Variants in GALNT11 observed in about 807,000 individuals in gnomAD.
GALNT11 encodes the protein UDP-GalNAc:polypeptide N-acetylgalactosaminyltransferase 11.
GALNT11 carries 47 observed loss-of-function variants against 72.7 expected under a neutral mutation model. The ratio of observed to expected loss-of-function variants is 0.65; its 90% confidence interval spans 0.51 to 0.82. The LOEUF (loss-of-function observed/expected upper bound fraction) is 0.82. Among genes scored for constraint, GALNT11 ranks in the 40% least tolerant of loss-of-function variants. GALNT11 has a pLI of 0.00. For missense variants in GALNT11, 677 were observed against 778.4 expected (o/e 0.87, Z 1.55); for synonymous variants, 270 against 286.6 (o/e 0.94, Z 0.58).
At chr7:152,105,421 G>A (rs769909878) in intron 5 of GALNT11, 51 bp downstream of exon 5, 3 of 1,584,854 alleles carry the variant, frequency 1.9e-6, no homozygotes, top group East Asian at 2.2e-5. Flanking sequence ...ACAAGGGCTC[G>A]AGCCTCAGCG....
chr7:152,051,690 T>A (rs2083413900), intron 1 of GALNT11, among the ~76,000 whole-genome samples: 1 of 152,190 alleles, frequency 6.6e-6, no homozygotes, highest in South Asian at 2.1e-4. Context: ...AATCATGTTT[T>A]CCTTTTCCCC....
chr7:152,061,555 T>C (rs2084018639), intron 1 of GALNT11, among the ~76,000 whole-genome samples: 2 of 152,272 alleles, frequency 1.3e-5, no homozygotes, highest in Non-Finnish European at 2.9e-5. Flanking sequence ...TGGCCATGCC[T>C]ATGTCCTGAA....
chr7:152,120,692 A>T (rs2089343107), intron 10 of GALNT11, 139 bp from the exon 11 acceptor site: 2 of 723,666 alleles, frequency 2.8e-6, no homozygotes, highest in Non-Finnish European at 4.6e-6. Flanking sequence ...ACCAAGTTGA[A>T]ATCTGCTTCC....
intron 1 of GALNT11, among the ~76,000 whole-genome samples, chr7:152,035,569 CG>C (rs1219010813): frequency 6.6e-6 from 1 of 152,112 alleles, no homozygotes; most frequent in Non-Finnish European, 1.5e-5. Flanking sequence ...CGGCTCAGCC[CG>C]GAAGTACAGG....
chr7:152,112,543 A>C (rs978279979), intron 7 of GALNT11, among the ~76,000 whole-genome samples: 1 of 151,428 alleles, frequency 6.6e-6, no homozygotes, highest in Non-Finnish European at 1.5e-5. Context: ...GTCTCAACAA[A>C]AAAAAAAAAA....
intron 1 of GALNT11, among the ~76,000 whole-genome samples, chr7:152,057,166 C>CT (rs1328585548): frequency 1.3e-5 from 2 of 151,640 alleles, no homozygotes; most frequent in African/African-American, 4.8e-5. Context: ...CAGATACTTT[C>CT]TTTTTTAAAA....
intron 1 of GALNT11, among the ~76,000 whole-genome samples, chr7:152,058,973 A>G (rs1032894259): frequency 6.0e-5 from 9 of 150,364 alleles, no homozygotes; most frequent in Admixed American, 3.3e-4. Flanking sequence ...GAAGTCTTGA[A>G]CCTGTCGGTC....
At chr7:152,080,941 G>T (rs2085287637) in intron 1 of GALNT11, among the ~76,000 whole-genome samples, 1 of 152,126 alleles carries the variant, frequency 6.6e-6, no homozygotes, top group Non-Finnish European at 1.5e-5. Flanking sequence ...CTGCACTCCA[G>T]CCTGGGCGAC....
rs1021736638 is a variant in GALNT11, at chr7:152,121,838, C to T, written c.*161C>T. The T allele has an allele frequency of 6.1e-5, 51 of 833,554 alleles. No homozygotes were observed. The East Asian group carries it at 8.5e-4, about 14-fold the overall frequency. 51.6% of individuals were successfully genotyped at this position (833,554 alleles called of 1,614,324 possible). A position where few individuals can be genotyped will look rare whatever the true frequency, so the allele number is the denominator to read the frequency against. On this transcript the variant is annotated 3_prime_UTR_variant, in exon 12 of 12. Coordinates refer to ENST00000430044, the MANE Select transcript of GALNT11 (RefSeq NM_022087.4). Reference sequence around the variant, plus strand: ...CCTGGGTGTGTTAGCAGAGGTGACACGTGTCTGACAGAGACGGGAGCTCTG... The same window carrying T: ...CCTGGGTGTGTTAGCAGAGGTGACATGTGTCTGACAGAGACGGGAGCTCTG...
Position 152,120,976 on chromosome 7 carries a change from G to A in GALNT11, c.1695+8G>A. On this transcript the variant is annotated splice_region_variant and intron_variant, in intron 11 of 11. Coordinates refer to ENST00000430044, the MANE Select transcript of GALNT11 (RefSeq NM_022087.4). ...CAGCAGTGGACCTTTGGGGTGAGGA[G>A]TGCTCGGTGATGTTGGGAGAATGCG... 6.2e-7 allele frequency: 1 copy of A among 1,611,544 alleles called. No individual in the cohort carries two copies. The highest frequency in any genetic ancestry group is 8.5e-7 in the Non-Finnish European group (1 of 1,179,252).
intron 3 of GALNT11, among the ~76,000 whole-genome samples, chr7:152,102,664 A>G (rs1228250063): frequency 2.6e-5 from 4 of 152,094 alleles, no homozygotes; most frequent in Admixed American, 6.5e-5. Context: ...TTTAAAAAAA[A>G]TTGTTGTTAC....
At position 152,105,379 on chromosome 7, in the gene GALNT11, T is replaced by G. The variant is rs755637628; in HGVS notation, c.712+9T>G. On this transcript the variant is annotated intron_variant, in intron 5 of 11. Transcript: ENST00000430044. ...CGCGGCCCACGCGACAGGTATCACT[T>G]CTCGTTAGCTTTGCTCTACAGGTGT... 1.6e-5 allele frequency: 26 copies of G among 1,610,930 alleles called. No individual in the cohort carries two copies. The highest frequency in any genetic ancestry group is 2.1e-5 in the Non-Finnish European group (25 of 1,178,710).
At position 152,103,246 on chromosome 7, in the gene GALNT11, AG is replaced by A; in HGVS notation, c.555del (p.Ile186SerfsTer13). 1 of 1,613,632 alleles carries A rather than the reference AG, an allele frequency of 6.2e-7. No individual in the cohort carries two copies. Among genetic ancestry groups the A allele is most frequent in the Non-Finnish European group, 8.5e-7 (1 of 1,179,600 alleles). On this transcript the variant is annotated frameshift_variant, in exon 4 of 12. Transcript: ENST00000430044. LOFTEE classifies it high-confidence loss of function. Reference protein sequence around the residue: ...IDRTPAHLLHEIILVDDDSDF... With the variant: ...IDRTPAHLLHXIILVDDDSDF... The stretch of plus-strand genomic sequence containing the variant: ...CGCACGCCAGCACACCTGCTTCATG[AG>A]ATCATCCTTGTGGATGATGATAGTG...
intron 1 of GALNT11, among the ~76,000 whole-genome samples, chr7:152,080,709 C>A (rs1331012612): frequency 3.3e-5 from 5 of 152,110 alleles, no homozygotes; most frequent in Non-Finnish European, 5.9e-5. Flanking sequence ...CGCCTGTAAT[C>A]CCAGCACTTT....
chr7:152,069,615 G>A lies in GALNT11; in HGVS notation c.-38-24575G>A, dbSNP rs569451851. Among the ~76,000 whole-genome samples the A allele has an allele frequency of 2.0e-5, 3 of 152,304 alleles. No homozygotes were observed. The East Asian group carries it at 5.8e-4, about 29-fold the overall frequency. On this transcript the variant is annotated intron_variant, in intron 1 of 11. Coordinates refer to ENST00000430044, the MANE Select transcript of GALNT11 (RefSeq NM_022087.4). ...TCTTATTTGAAGCATACACATTCAA[G>A]ACTGTTACGTCTTCTTGGAGAACCG...
intron 2 of GALNT11, 60 bp from the exon 3 acceptor site, chr7:152,100,738 G>T: frequency 1.3e-6 from 2 of 1,582,100 alleles, no homozygotes; most frequent in Non-Finnish European, 1.7e-6. Flanking sequence ...TCATAATATC[G>T]TTAACAGTAA....
chr7:152,091,802 C>T (rs2086057297), intron 1 of GALNT11, among the ~76,000 whole-genome samples: 1 of 152,172 alleles, frequency 6.6e-6, no homozygotes, highest in South Asian at 2.1e-4. Flanking sequence ...GGAACACTAA[C>T]CAAGACATTT....
chr7:152,093,251 G>A (rs966520156), intron 1 of GALNT11, among the ~76,000 whole-genome samples: 1 of 148,182 alleles, frequency 6.7e-6, no homozygotes, highest in Non-Finnish European at 1.5e-5. Flanking sequence ...AAAAAAAAAA[G>A]CTTAGGAAAA....
At chr7:152,116,331 A>T (rs954435748) in intron 8 of GALNT11, among the ~76,000 whole-genome samples, 5 of 151,754 alleles carry the variant, frequency 3.3e-5, no homozygotes, top group Admixed American at 3.3e-4. Context: ...ATTCACTGCA[A>T]CCTCCACCTC....
Sources: gnomAD v4.1 joint callset for allele counts (sites outside exome capture counted in the v4.1 genomes callset) on GRCh38, gnomAD v4.1.1 for gene constraint, MANE v1.5 for transcripts, NCBI Gene and HGNC (gene_info 2026-07-23, HGNC 2026-07-21) for gene names.